Variants in IL1RAPL1 observed in about 807,000 individuals in gnomAD.
IL1RAPL1 encodes the protein interleukin-1 receptor accessory protein-like 1.
IL1RAPL1 carries 3 observed loss-of-function variants against 48.4 expected under a neutral mutation model. The observed-to-expected ratio is 0.06, with a 90% CI of 0.03 to 0.16. The LOEUF is 0.16. Among genes scored for constraint, IL1RAPL1 ranks in the 10% least tolerant of loss-of-function variants. IL1RAPL1 has a pLI of 1.00. For missense variants in IL1RAPL1, 349 were observed against 530.6 expected, an observed-to-expected ratio of 0.66 and a Z score of 3.36; for synonymous variants, 185 against 187.7, an observed-to-expected ratio of 0.99 and a Z score of 0.12.
In IL1RAPL1 at chrX:28,945,182, A is replaced by C. The variant is rs186175074; in HGVS notation, c.82+155757A>C. Among the ~76,000 whole-genome samples the C allele has an allele frequency of 6.3e-5, 7 of 111,667 alleles. No homozygotes were observed. The East Asian group carries it at 1.4e-3, about 23-fold the overall frequency. On this transcript the variant is annotated intron_variant, in intron 2 of 10. Transcript: ENST00000378993. The stretch of plus-strand genomic sequence containing the variant: ...TGTAAATTAGTTCAATCATTGTGGA[A>C]GACAGTGTGGCGATTCCTCCAGGAT...
chrX:29,899,607 G>C (rs1422301754), intron 6 of IL1RAPL1, among the ~76,000 whole-genome samples: 1 of 107,215 alleles, frequency 9.3e-6, no homozygotes, highest in Admixed American at 1.0e-4. Context: ...GCAGTGGCGC[G>C]ATCTCGGCTC....
chrX:28,716,494 A>T (rs1432696425), intron 1 of IL1RAPL1, among the ~76,000 whole-genome samples: 10 of 111,577 alleles, frequency 9.0e-5, no homozygotes, highest in Non-Finnish European at 1.5e-4. Flanking sequence ...TTGAAACTGG[A>T]CCCCTTCCTT....
intron 3 of IL1RAPL1, among the ~76,000 whole-genome samples, chrX:29,301,625 A>G (rs1225440038): frequency 8.9e-6 from 1 of 112,052 alleles, no homozygotes; most frequent in Non-Finnish European, 1.9e-5. Context: ...TGTACTTTCA[A>G]CAAAGATTTA....
chrX:28,654,626 A>G (rs138077264), intron 1 of IL1RAPL1, among the ~76,000 whole-genome samples: 2 of 112,446 alleles, frequency 1.8e-5, no homozygotes, highest in African/African-American at 6.5e-5. Context: ...CTATGATTTT[A>G]GCAATTTATT....
intron 2 of IL1RAPL1, among the ~76,000 whole-genome samples, chrX:29,220,794 T>C (rs1930958793): frequency 8.9e-6 from 1 of 112,523 alleles, no homozygotes; most frequent in African/African-American, 3.2e-5. Flanking sequence ...TTCTCAACTC[T>C]GGCTACACAT....
intron 5 of IL1RAPL1, among the ~76,000 whole-genome samples, chrX:29,601,068 T>A (rs182106174): frequency 1.8e-5 from 2 of 111,848 alleles, no homozygotes; most frequent in East Asian, 5.6e-4. Flanking sequence ...GTGATCGGGT[T>A]CCTTCAAAGG....
Position 29,644,129 on chromosome X carries a change from G to T in IL1RAPL1, c.704-24301G>T, listed in dbSNP as rs766239519. On this transcript the variant is annotated intron_variant, in intron 5 of 10. Coordinates refer to ENST00000378993, the MANE Select transcript of IL1RAPL1 (RefSeq NM_014271.4). Reference sequence around the variant, plus strand: ...CTTTGTTCTTTCCATTGCAAATAAAGAAGACAAAGAAGTCTATTAAAGGTA... The same window carrying T: ...CTTTGTTCTTTCCATTGCAAATAAATAAGACAAAGAAGTCTATTAAAGGTA... 2.1e-4 allele frequency among the ~76,000 whole-genome samples: 23 copies of T among 112,036 alleles called. No individual in the cohort carries two copies. In the Admixed American group the frequency reaches 2.1e-3, roughly 10 times the overall value.
chrX:28,809,922 C>G (rs915073344), intron 2 of IL1RAPL1, among the ~76,000 whole-genome samples: 2 of 107,028 alleles, frequency 1.9e-5, no homozygotes, highest in African/African-American at 6.8e-5. Context: ...GAAGTAAAAC[C>G]AAACAGGACT....
chrX:29,200,097 G>T, intron 2 of IL1RAPL1, among the ~76,000 whole-genome samples: 1 of 110,661 alleles, frequency 9.0e-6, no homozygotes, highest in Non-Finnish European at 1.9e-5. Context: ...TAATGTTCTG[G>T]TTTTTAAGTT....
At chrX:29,436,013 A>G (rs759123067) in intron 5 of IL1RAPL1, among the ~76,000 whole-genome samples, 10 of 109,759 alleles carry the variant, frequency 9.1e-5, no homozygotes, top group Non-Finnish European at 1.5e-4. Context: ...ATATATTTAC[A>G]TAATACCAAT....
intron 2 of IL1RAPL1, among the ~76,000 whole-genome samples, chrX:29,116,939 A>G (rs1342390747): frequency 9.0e-6 from 1 of 111,605 alleles, no homozygotes; most frequent in East Asian, 2.8e-4. Context: ...TAGATATTTC[A>G]TATATATTAC....
chrX:28,811,205 A>T (rs1166200180), intron 2 of IL1RAPL1, among the ~76,000 whole-genome samples: 1 of 110,776 alleles, frequency 9.0e-6, no homozygotes, highest in Non-Finnish European at 1.9e-5. Context: ...CTCCCAGTTT[A>T]GTTCAGTTAA....
intron 5 of IL1RAPL1, among the ~76,000 whole-genome samples, chrX:29,652,323 G>A (rs1925545732): frequency 9.0e-6 from 1 of 111,679 alleles, no homozygotes; most frequent in Non-Finnish European, 1.9e-5. Context: ...GCGGGACAGA[G>A]GTAAACAGAT....
chrX:29,657,088 G>A (rs915467256), intron 5 of IL1RAPL1, among the ~76,000 whole-genome samples: 2 of 111,608 alleles, frequency 1.8e-5, no homozygotes, highest in Non-Finnish European at 3.8e-5. Context: ...AGCCCAGGCT[G>A]CAGTTTCCAC....
intron 2 of IL1RAPL1, among the ~76,000 whole-genome samples, chrX:29,081,335 C>T (rs1328066293): frequency 9.2e-6 from 1 of 109,194 alleles, no homozygotes; most frequent in African/African-American, 3.3e-5. Context: ...GGATTATAGG[C>T]GTGAGCCACC....
At chrX:28,803,712 CTTTTAGGA>C (rs1274098137) in intron 2 of IL1RAPL1, among the ~76,000 whole-genome samples, 1 of 111,584 alleles carries the variant, frequency 9.0e-6, no homozygotes, top group Non-Finnish European at 1.9e-5. Context: ...ACGTGTGTTT[CTTTTAGGA>C]TTTTATGCAT....
chrX:28,962,626 A>G (rs987918919), intron 2 of IL1RAPL1, among the ~76,000 whole-genome samples: 3 of 111,643 alleles, frequency 2.7e-5, no homozygotes, highest in African/African-American at 9.8e-5. Context: ...ATAAGTAGTT[A>G]TATACCAATA....
chrX:28,760,753 G>C (rs1031389980), intron 1 of IL1RAPL1, among the ~76,000 whole-genome samples: 1 of 111,084 alleles, frequency 9.0e-6, no homozygotes, highest in African/African-American at 3.3e-5. Flanking sequence ...ACCACCATAA[G>C]ACACCACCTC....
intron 2 of IL1RAPL1, among the ~76,000 whole-genome samples, chrX:29,199,522 C>T (rs1930512562): frequency 1.8e-5 from 2 of 111,349 alleles, no homozygotes; most frequent in African/African-American, 6.5e-5. Context: ...GATTAGGGGG[C>T]GGTGCAGCTG....
Sources: allele counts gnomAD v4.1 joint callset (sites outside exome capture counted in the v4.1 genomes callset), GRCh38; gene constraint gnomAD v4.1.1; transcripts MANE v1.5; gene names NCBI Gene and HGNC (gene_info 2026-07-23, HGNC 2026-07-21).